RTN1: variants seen among roughly 807,000 people sequenced by gnomAD.
RTN1 encodes the protein reticulon-1.
Under a neutral mutation model 65.5 loss-of-function variants are expected in RTN1, and 25 were observed. The observed-to-expected ratio is 0.38, with a 90% confidence interval of 0.28 to 0.53. The LOEUF (loss-of-function observed/expected upper bound fraction) is 0.53, where lower values mean the gene tolerates loss of function less well. Ranked by LOEUF, RTN1 falls within the 20% of genes least tolerant of loss-of-function variation. The pLI is 0.79. For missense variants in RTN1, 983 were observed against 1,025.4 expected (o/e 0.96, Z 0.57); for synonymous variants, 471 against 447.6 (o/e 1.05, Z -0.66).
chr14:59,823,255 G>A (rs1437469277), intron 1 of RTN1, among the ~76,000 whole-genome samples: 1 of 152,030 alleles, frequency 6.6e-6, no homozygotes, highest in Non-Finnish European at 1.5e-5. Flanking sequence ...TTGTCATTAT[G>A]TAATGTCCTT....
chr14:59,795,595 G>T (rs1396301980), intron 1 of RTN1, among the ~76,000 whole-genome samples: 1 of 152,190 alleles, frequency 6.6e-6, no homozygotes, highest in Non-Finnish European at 1.5e-5. Flanking sequence ...TTATCTGCTA[G>T]TGTTCATCTA....
chr14:59,745,733 A>G lies in RTN1; in HGVS notation c.990T>C (p.Ser330=), dbSNP rs138557329. 2.9e-5 allele frequency: 47 copies of G among 1,609,994 alleles called. No individual in the cohort carries two copies. In the African/African-American group the frequency reaches 4.2e-4, roughly 14 times the overall value. The change falls in exon 2 of 9, where the codon TCT becomes TCC. Residue 330 remains serine, a synonymous_variant. Coordinates refer to ENST00000267484, the MANE Select transcript of RTN1 (RefSeq NM_021136.3). ...VSEPEDDSPG[S]ITPPSSGTEP... ...CTGTTCCAGAAGATGGAGGGGTGAT[A>G]GATCCTGGGCTGTCGTCTTCAGGCT...
intron 2 of RTN1, among the ~76,000 whole-genome samples, chr14:59,731,759 T>C (rs1247748900): frequency 6.6e-6 from 1 of 152,216 alleles, no homozygotes; most frequent in African/African-American, 2.4e-5. Flanking sequence ...CCTCCTTTGG[T>C]GTCTGCAACC....
At chr14:59,693,219 T>G (rs1346784140) in intron 3 of RTN1, among the ~76,000 whole-genome samples, 1 of 152,208 alleles carries the variant, frequency 6.6e-6, no homozygotes, top group East Asian at 1.9e-4. Flanking sequence ...GCCACCCAAA[T>G]TGAGAAGACA....
At chr14:59,733,075 A>G (rs1279821800) in intron 2 of RTN1, among the ~76,000 whole-genome samples, 1 of 113,404 alleles carries the variant, frequency 8.8e-6, no homozygotes, top group Non-Finnish European at 1.7e-5. Context: ...TTGTGGTCAG[A>G]CTGCTTTTTT....
intron 3 of RTN1, among the ~76,000 whole-genome samples, chr14:59,699,015 A>C (rs1350784437): frequency 6.6e-6 from 1 of 152,176 alleles, no homozygotes; most frequent in African/African-American, 2.4e-5. Context: ...AATATTGAGC[A>C]AGAGGAAACC....
At chr14:59,704,995 T>A (rs1015608661) in intron 3 of RTN1, among the ~76,000 whole-genome samples, 2 of 152,198 alleles carry the variant, frequency 1.3e-5, no homozygotes, top group Admixed American at 6.5e-5. Flanking sequence ...CTCTGAAAAG[T>A]GGTGCTCAAC....
rs772289206 is a variant in RTN1 at position 59,607,476 on chromosome 14, A to G, written c.1782T>C (p.Tyr594=). The change falls in exon 4 of 9, where the codon TAT becomes TAC. Residue 594 remains tyrosine (Y), a synonymous_variant. Coordinates refer to ENST00000267484, the MANE Select transcript of RTN1 (RefSeq NM_021136.3). ...TGCCCGTCTGCTTGATGTCCCGCCA[A>G]TACAACAGGTCAATAGCTGCAGGAG... ...LNKQKAIDLL[Y]WRDIKQTGIV... 3 of 1,608,650 alleles carry G rather than the reference A, an allele frequency of 1.9e-6. No homozygotes were observed. The highest frequency in any genetic ancestry group is 2.5e-6 in the Non-Finnish European group (3 of 1,177,380).
At chr14:59,852,998 T>A (rs1887536310) in intron 1 of RTN1, among the ~76,000 whole-genome samples, 1 of 152,200 alleles carries the variant, frequency 6.6e-6, no homozygotes, top group South Asian at 2.1e-4. Flanking sequence ...GAATAAAGGA[T>A]GATTGAGTGA....
intron 3 of RTN1, among the ~76,000 whole-genome samples, chr14:59,636,113 T>C (rs1487073254): frequency 1.3e-5 from 2 of 152,220 alleles, no homozygotes; most frequent in East Asian, 1.9e-4. Context: ...ATAGTTGAAA[T>C]AGGAAAGTTT....
At chr14:59,749,008 C>T (rs376026806) in intron 1 of RTN1, among the ~76,000 whole-genome samples, 51 of 150,208 alleles carry the variant, frequency 3.4e-4, no homozygotes, top group African/African-American at 1.1e-3. Context: ...CAGATGGTCT[C>T]GAACTCCTGA....
intron 3 of RTN1, among the ~76,000 whole-genome samples, chr14:59,702,314 A>T (rs1462552749): frequency 6.6e-6 from 1 of 152,196 alleles, no homozygotes; most frequent in Non-Finnish European, 1.5e-5. Context: ...CTTACTTATG[A>T]TCTACATCTG....
chr14:59,611,024 T>C (rs1881932522), intron 3 of RTN1, among the ~76,000 whole-genome samples: 1 of 152,126 alleles, frequency 6.6e-6, no homozygotes, highest in Non-Finnish European at 1.5e-5. Context: ...ACCCACAAAG[T>C]TATCCTTAAA....
At chr14:59,650,992 G>A (rs574128878) in intron 3 of RTN1, among the ~76,000 whole-genome samples, 54 of 151,582 alleles carry the variant, frequency 3.6e-4, no homozygotes, top group African/African-American at 1.2e-3. Context: ...CTAACATGGC[G>A]AAACCCTGTC....
chr14:59,758,527 G>C (rs560481476), intron 1 of RTN1, among the ~76,000 whole-genome samples: 12 of 152,042 alleles, frequency 7.9e-5, no homozygotes, highest in African/African-American at 2.7e-4. Context: ...CAATTGAAAG[G>C]CTCCTTCACT....
chr14:59,641,536 A>AT (rs1241322507), intron 3 of RTN1, among the ~76,000 whole-genome samples: 1 of 151,816 alleles, frequency 6.6e-6, no homozygotes, highest in Admixed American at 6.6e-5. Flanking sequence ...CACACAGCTA[A>AT]TTTTTTGTAT....
chr14:59,778,781 G>A (rs1886099984), intron 1 of RTN1, among the ~76,000 whole-genome samples: 2 of 152,148 alleles, frequency 1.3e-5, no homozygotes, highest in Non-Finnish European at 2.9e-5. Context: ...AAACCCCTGG[G>A]AGCAAAGGGA....
At chr14:59,701,848 C>T (rs553573950) in intron 3 of RTN1, among the ~76,000 whole-genome samples, 3 of 152,220 alleles carry the variant, frequency 2.0e-5, no homozygotes, top group East Asian at 3.9e-4. Context: ...CTCAATAAAG[C>T]TGTATAAAAA....
chr14:59,710,247 A>G (rs189731756), intron 3 of RTN1, among the ~76,000 whole-genome samples: 2 of 152,010 alleles, frequency 1.3e-5, no homozygotes, highest in African/African-American at 4.8e-5. Context: ...GGGTTTTGTC[A>G]TGTTGCTAAG....
Sources: gnomAD v4.1 joint callset for allele counts (sites outside exome capture counted in the v4.1 genomes callset) on GRCh38, gnomAD v4.1.1 for gene constraint, MANE v1.5 for transcripts, NCBI Gene and HGNC (gene_info 2026-07-23, HGNC 2026-07-21) for gene names.